HPS3: variants seen among roughly 807,000 people sequenced by gnomAD.
The protein encoded by HPS3 is HPS3 biogenesis of lysosomal organelles complex 2 subunit 1, also known as BLOC-2 complex member HPS3.
A neutral mutation model predicts 110.9 loss-of-function variants in HPS3; 79 were observed. The observed-to-expected ratio is 0.71, with a 90% CI of 0.59 to 0.86. HPS3 has a LOEUF of 0.86. Ranked by LOEUF, HPS3 falls within the 40% of genes least tolerant of loss-of-function variation. The pLI, the probability that HPS3 is intolerant of heterozygous loss-of-function variation, is 0.00. For synonymous variants in HPS3, 428 were observed against 451.0 expected (o/e 0.95, Z 0.65); for missense variants, 1,197 against 1,206.2 (o/e 0.99, Z 0.11).
Position 149,129,680 on chromosome 3 carries a change from G to A in HPS3, c.-44G>A. Reference sequence around the variant, plus strand: ...CGCGGTCAGCGCGGGGTCTCCGGGCGCCCTGCAGGGCGGGCAGGCTGTGCC... The same window carrying A: ...CGCGGTCAGCGCGGGGTCTCCGGGCACCCTGCAGGGCGGGCAGGCTGTGCC... On this transcript the variant is annotated 5_prime_UTR_variant, in exon 1 of 17. Coordinates refer to ENST00000296051, the MANE Select transcript of HPS3 (RefSeq NM_032383.5). The A allele has an allele frequency of 1.4e-6, 2 of 1,442,848 alleles. No homozygotes were observed. Among genetic ancestry groups the A allele is most frequent in the South Asian group, 1.3e-5 (1 of 74,608 alleles). The allele number at this position is 1,442,848 out of a possible 1,614,324, so 89.4% of individuals were successfully genotyped here.
intron 16 of HPS3, among the ~76,000 whole-genome samples, chr3:149,171,506 T>C (rs1252677892): frequency 6.6e-6 from 1 of 152,122 alleles, no homozygotes; most frequent in Non-Finnish European, 1.5e-5. Flanking sequence ...TAGAGGATAG[T>C]AGAAATTGAT....
intron 1 of HPS3, among the ~76,000 whole-genome samples, chr3:149,139,598 G>A (rs904387512): frequency 4.6e-5 from 7 of 152,182 alleles, no homozygotes; most frequent in Non-Finnish European, 8.8e-5. Context: ...GAAGGAGAGG[G>A]TTTGAAATGT....
chr3:149,156,833 G>A (rs768946582), intron 8 of HPS3, among the ~76,000 whole-genome samples: 1 of 151,988 alleles, frequency 6.6e-6, no homozygotes, highest in African/African-American at 2.4e-5. Flanking sequence ...TGATTTGACC[G>A]CTAGAGTCTG....
intron 16 of HPS3, among the ~76,000 whole-genome samples, chr3:149,169,405 G>C (rs1475861017): frequency 1.3e-5 from 2 of 152,216 alleles, no homozygotes; most frequent in Admixed American, 6.5e-5. Context: ...GTTCAGGACT[G>C]AATCAAAAGT....
chr3:149,151,662 C>G (rs963050160), intron 6 of HPS3, among the ~76,000 whole-genome samples: 1 of 139,726 alleles, frequency 7.2e-6, no homozygotes, highest in Non-Finnish European at 1.5e-5. Context: ...TGTTGAGATT[C>G]GGTGTTTTCT....
At position 149,140,076 on chromosome 3, in the gene HPS3, A is replaced by G. The variant is rs1433830218; in HGVS notation, c.290A>G (p.Lys97Arg). The change falls in exon 2 of 17, where the codon AAA (lysine) becomes AGA (arginine). Residue 97 changes from lysine (K) to arginine (R), a missense_variant. Transcript: ENST00000296051. ...CGTGCTTATGTGAACTGGAGAAATA[A>G]AAGGACTGAAAACTCTCGTGTGTGT... Reference protein sequence around the residue: ...FLRAYVNWRNKRTENSRVCIR... With the variant: ...FLRAYVNWRNRRTENSRVCIR... 4 of 1,612,742 alleles carry G rather than the reference A, an allele frequency of 2.5e-6. No homozygotes were observed. The highest frequency in any genetic ancestry group is 3.4e-6 in the Non-Finnish European group (4 of 1,179,612).
At chr3:149,139,476 A>G (rs984474696) in intron 1 of HPS3, among the ~76,000 whole-genome samples, 1 of 152,200 alleles carries the variant, frequency 6.6e-6, no homozygotes, top group African/African-American at 2.4e-5. Flanking sequence ...CAACCAATAT[A>G]TGTTTATAAG....
chr3:149,140,165 A>G lies in HPS3; in HGVS notation c.379A>G (p.Ile127Val). 2 of 1,614,198 alleles carry G rather than the reference A, an allele frequency of 1.2e-6. No homozygotes were observed. Among genetic ancestry groups the G allele is most frequent in the East Asian group, 2.2e-5 (1 of 44,888 alleles). Residue 127 changes from isoleucine (I) to valine (V), a missense_variant, in exon 2 of 17, where the codon ATT becomes GTT. Transcript: ENST00000296051. Reference protein sequence around the residue: ...FSKAFRDQMYIIEMPLSEAPL... With the variant: ...FSKAFRDQMYVIEMPLSEAPL... ...CAAAGCCTTCAGAGACCAGATGTAC[A>G]TTATTGAAATGCCGCTTTCGGAGGC...
intron 5 of HPS3, among the ~76,000 whole-genome samples, chr3:149,147,473 T>C (rs927239877): frequency 6.6e-6 from 1 of 152,190 alleles, no homozygotes; most frequent in Non-Finnish European, 1.5e-5. Flanking sequence ...TAGGAAACTA[T>C]ACCATCTCAG....
Position 149,158,736 on chromosome 3 carries a change from C to T in HPS3, c.1762C>T (p.Leu588=). 1 of 1,613,484 alleles carries T rather than the reference C, an allele frequency of 6.2e-7. No individual in the cohort carries two copies. Among genetic ancestry groups the T allele is most frequent in the Non-Finnish European group, 8.5e-7 (1 of 1,179,482 alleles). The change falls in exon 10 of 17, where the codon CTG becomes TTG. Residue 588 remains leucine (L), a synonymous_variant. Transcript: ENST00000296051. ...GTCTGGTTTGTCTATGGCTGAAGTT[C>T]TGGCCCGCACGGACTGGACAGTAGA... ...KMSGLSMAEV[L]ARTDWTVEDG...
At chr3:149,146,337 AC>A (rs901772609) in intron 5 of HPS3, among the ~76,000 whole-genome samples, 2 of 152,086 alleles carry the variant, frequency 1.3e-5, no homozygotes, top group African/African-American at 4.8e-5. Context: ...ATGTCTTAAG[AC>A]CTCATGAAAG....
At chr3:149,143,543 T>C (rs1722611370) in intron 4 of HPS3, among the ~76,000 whole-genome samples, 1 of 152,162 alleles carries the variant, frequency 6.6e-6, no homozygotes, top group Admixed American at 6.5e-5. Context: ...ATCCCTAGAA[T>C]CTGGAACAGC....
intron 4 of HPS3, among the ~76,000 whole-genome samples, chr3:149,142,885 G>A (rs1722563284): frequency 2.0e-5 from 3 of 152,150 alleles, no homozygotes; most frequent in African/African-American, 7.2e-5. Flanking sequence ...TCATCTTGAG[G>A]TCAGGGAAGG....
In HPS3 at chr3:149,150,413, T is replaced by C. The variant is rs141927231; in HGVS notation, c.1164-186T>C. On this transcript the variant is annotated intron_variant, in intron 5 of 16. Transcript: ENST00000296051. Reference sequence around the variant, plus strand: ...TGTTATGGGGACCAGTTGTATATTTTTAAAAACACACCACAGGGATTCTGA... The same window carrying C: ...TGTTATGGGGACCAGTTGTATATTTCTAAAAACACACCACAGGGATTCTGA... Among the ~76,000 whole-genome samples, 36 of 152,308 alleles carry C rather than the reference T, an allele frequency of 2.4e-4. 1 individual carries two copies. The East Asian group carries it at 6.6e-3, about 28-fold the overall frequency.
chr3:149,130,095 T>G, intron 1 of HPS3, 155 bp downstream of exon 1: 1 of 703,630 alleles, frequency 1.4e-6, no homozygotes, highest in Non-Finnish European at 2.4e-6. Flanking sequence ...CGCTGATTGC[T>G]TGAAGTCGCA....
chr3:149,152,037 C>A (rs1014655968), intron 6 of HPS3, among the ~76,000 whole-genome samples: 1 of 152,108 alleles, frequency 6.6e-6, no homozygotes, highest in African/African-American at 2.4e-5. Flanking sequence ...TTTTAATGGC[C>A]TGCCTGTGGT....
In HPS3 at chr3:149,163,831, T is replaced by C. The variant is rs1724134267; in HGVS notation, c.2482-11T>C. 7.1e-7 allele frequency: 1 copy of C among 1,401,140 alleles called. No homozygotes were observed. The highest frequency in any genetic ancestry group is 1.2e-5 in the South Asian group (1 of 86,404). 86.8% of individuals were successfully genotyped at this position (1,401,140 alleles called of 1,614,324 possible). ...TATATTTTGTTTATGAGAAATTCTTTTATGTTTTAGATAAATGCCTGTAGT... is the reference window on the plus strand; with the variant it reads ...TATATTTTGTTTATGAGAAATTCTTCTATGTTTTAGATAAATGCCTGTAGT... On this transcript the variant is annotated splice_polypyrimidine_tract_variant and intron_variant, in intron 13 of 16. Coordinates refer to ENST00000296051, the MANE Select transcript of HPS3 (RefSeq NM_032383.5).
intron 11 of HPS3, among the ~76,000 whole-genome samples, chr3:149,161,775 G>A (rs1240802048): frequency 6.6e-6 from 1 of 152,130 alleles, no homozygotes; most frequent in Non-Finnish European, 1.5e-5. Flanking sequence ...CTTCCAAAGT[G>A]CTGGGATTAC....
At position 149,163,847 on chromosome 3, in the gene HPS3, T is replaced by C. The variant is rs1456831339; in HGVS notation, c.2487T>C (p.Asn829=). 1 of 1,506,488 alleles carries C rather than the reference T, an allele frequency of 6.6e-7. No individual in the cohort carries two copies. The highest frequency in any genetic ancestry group is 1.4e-5 in the African/African-American group (1 of 73,616). 93.3% of individuals were successfully genotyped at this position (1,506,488 alleles called of 1,614,324 possible). A position where few individuals can be genotyped will look rare whatever the true frequency, so the allele number is the denominator to read the frequency against. The change falls in exon 14 of 17, where the codon AAT becomes AAC. Residue 829 remains asparagine (N), a synonymous_variant. Coordinates refer to ENST00000296051, the MANE Select transcript of HPS3 (RefSeq NM_032383.5). Reference sequence around the variant, plus strand: ...GAAATTCTTTTATGTTTTAGATAAATGCCTGTAGTCATTATGGCTTAATTT... The same window carrying C: ...GAAATTCTTTTATGTTTTAGATAAACGCCTGTAGTCATTATGGCTTAATTT... The part of the protein sequence containing the change: ...TPLRTSEDLI[N]ACSHYGLIYP...
Sources: gnomAD v4.1 joint callset for allele counts (sites outside exome capture counted in the v4.1 genomes callset) on GRCh38, gnomAD v4.1.1 for gene constraint, MANE v1.5 for transcripts, NCBI Gene and HGNC (gene_info 2026-07-23, HGNC 2026-07-21) for gene names.